UTS2B: variants seen among roughly 807,000 people sequenced by gnomAD.
The protein encoded by UTS2B is urotensin 2B, also known as urotensin-2B.
UTS2B carries 21 observed loss-of-function variants against 19.2 expected under a neutral mutation model. That is an observed-to-expected ratio of 1.09 (90% CI 0.78 to 1.58). UTS2B has a LOEUF of 1.58. Ranked by LOEUF, UTS2B falls within the 40% of genes most tolerant of loss-of-function variation. The pLI is 0.00. For synonymous variants in UTS2B, 57 were observed against 50.2 expected (o/e 1.14, Z -0.58); for missense variants, 138 against 130.3 (o/e 1.06, Z -0.29).
chr3:191,285,256 T>TGCTATCA (rs1455901465), intron 4 of UTS2B, among the ~76,000 whole-genome samples: 1 of 152,230 alleles, frequency 6.6e-6, no homozygotes, highest in Non-Finnish European at 1.5e-5. Context: ...AATGTTAAGT[T>TGCTATCA]GCTATCAGCT....
intron 7 of UTS2B, among the ~76,000 whole-genome samples, chr3:191,275,880 G>A (rs896279988): frequency 6.6e-6 from 1 of 152,134 alleles, no homozygotes; most frequent in Non-Finnish European, 1.5e-5. Context: ...GACTAGGAAA[G>A]GTACATGACT....
At chr3:191,302,834 C>G (rs1011602587) in intron 4 of UTS2B, among the ~76,000 whole-genome samples, 4 of 152,196 alleles carry the variant, frequency 2.6e-5, no homozygotes, top group African/African-American at 9.7e-5. Flanking sequence ...CAAGGCCTCT[C>G]TGACCTTCTC....
chr3:191,330,913 G>A (rs1306025438), upstream of UTS2B, among the ~76,000 whole-genome samples: 2 of 152,088 alleles, frequency 1.3e-5, no homozygotes, highest in Non-Finnish European at 2.9e-5. Context: ...GTTCCGGAAG[G>A]GTGTTAAAGC....
At chr3:191,313,954 C>G (rs12493450) in intron 3 of UTS2B, among the ~76,000 whole-genome samples, 4,624 of 152,202 alleles carry the variant, frequency 0.03, 158 homozygotes, top group East Asian at 0.13. Context: ...TGGTCTTAGA[C>G]TCCTGACTTT....
chr3:191,335,428 G>C (rs1166645498), upstream of UTS2B, among the ~76,000 whole-genome samples: 1 of 152,140 alleles, frequency 6.6e-6, no homozygotes, highest in African/African-American at 2.4e-5. Context: ...CTAGATCTTA[G>C]ATAAGACCTA....
chr3:191,340,754 T>C, the UTS2B span, among the ~76,000 whole-genome samples: 1 of 152,188 alleles, frequency 6.6e-6, no homozygotes, highest in Non-Finnish European at 1.5e-5. Context: ...CAGGCGGACA[T>C]ATGAGGTTAG....
chr3:191,268,397 TGCATCCAGA>T lies in UTS2B; in HGVS notation c.*10_*18del. ...TTTTCCTGATATTCTTATCTTTTTT[TGCATCCAGA>T]GAAAAAGCTTTAAACACAGTATTTC... On this transcript the variant is annotated 3_prime_UTR_variant, in exon 9 of 9. Coordinates refer to ENST00000340524, the MANE Select transcript of UTS2B (RefSeq NM_198152.5). 6.4e-7 allele frequency: 1 copy of T among 1,554,738 alleles called. No homozygotes were observed. The highest frequency in any genetic ancestry group is 8.8e-7 in the Non-Finnish European group (1 of 1,136,486).
At position 191,267,581 on chromosome 3, in the gene UTS2B, G is replaced by A. The variant is rs984113020; in HGVS notation, c.*835C>T. The A allele has an allele frequency of 6.6e-6, 1 of 152,138 alleles. No homozygotes were observed. Among genetic ancestry groups the A allele is most frequent in the Non-Finnish European group, 1.5e-5 (1 of 68,018 alleles). 9.4% of individuals were successfully genotyped at this position (152,138 alleles called of 1,614,324 possible). A position where few individuals can be genotyped will look rare whatever the true frequency, so the allele number is the denominator to read the frequency against. ...GATAGTGAAAGCTGGGTCCAGGGGGGTCACCACCTTCTGGTCCCATGGTGC... is the reference window on the plus strand; with the variant it reads ...GATAGTGAAAGCTGGGTCCAGGGGGATCACCACCTTCTGGTCCCATGGTGC... On this transcript the variant is annotated 3_prime_UTR_variant, in exon 9 of 9. Transcript: ENST00000340524.
intron 4 of UTS2B, among the ~76,000 whole-genome samples, chr3:191,301,921 T>C (rs1717014380): frequency 6.6e-6 from 1 of 152,190 alleles, no homozygotes. Flanking sequence ...ATGGAGTTTT[T>C]ATCCTGCTTG....
intron 4 of UTS2B, among the ~76,000 whole-genome samples, chr3:191,290,545 A>G (rs1180474492): frequency 2.0e-5 from 3 of 152,232 alleles, no homozygotes; most frequent in Non-Finnish European, 4.4e-5. Flanking sequence ...CTACATGCTT[A>G]ACCCACATGA....
chr3:191,343,528 T>A, the UTS2B span, among the ~76,000 whole-genome samples: 1 of 152,246 alleles, frequency 6.6e-6, no homozygotes, highest in Non-Finnish European at 1.5e-5. Context: ...AACTGAACAA[T>A]TTAAAAACAG....
At chr3:191,291,009 C>T (rs1050676737) in intron 4 of UTS2B, among the ~76,000 whole-genome samples, 1 of 151,966 alleles carries the variant, frequency 6.6e-6, no homozygotes, top group African/African-American at 2.4e-5. Flanking sequence ...AAAAAAATAG[C>T]GGAAGGAAGG....
At chr3:191,308,002 A>C (rs1193386330) in intron 3 of UTS2B, among the ~76,000 whole-genome samples, 14 of 151,962 alleles carry the variant, frequency 9.2e-5, no homozygotes, top group African/African-American at 2.4e-5. Context: ...TGTCCGGCTA[A>C]CTTTTGTATT....
chr3:191,336,078 G>T, the UTS2B span, among the ~76,000 whole-genome samples: 1 of 149,654 alleles, frequency 6.7e-6, no homozygotes, highest in Non-Finnish European at 1.5e-5. Flanking sequence ...GAACATATGA[G>T]TTTTCAGTTT....
chr3:191,336,104 A>G, the UTS2B span, among the ~76,000 whole-genome samples: 1 of 151,856 alleles, frequency 6.6e-6, no homozygotes, highest in Admixed American at 6.5e-5. Context: ...GGTGACAGTA[A>G]AGTCACTCTA....
chr3:191,309,785 G>A (rs1371070493), intron 3 of UTS2B, among the ~76,000 whole-genome samples: 2 of 152,096 alleles, frequency 1.3e-5, no homozygotes, highest in Non-Finnish European at 2.9e-5. Flanking sequence ...CTAGCTGTAT[G>A]AAATGCCTCG....
intron 8 of UTS2B, chr3:191,273,692 G>A: frequency 2.8e-6 from 1 of 360,738 alleles, no homozygotes; most frequent in South Asian, 2.1e-5. Context: ...ACTGATTCAG[G>A]AAAGGTCCAA....
chr3:191,295,070 T>C (rs1024270872), intron 4 of UTS2B, among the ~76,000 whole-genome samples: 2 of 151,878 alleles, frequency 1.3e-5, no homozygotes, highest in South Asian at 4.1e-4. Context: ...TTGTCTTCCA[T>C]CTTAAAACAA....
chr3:191,289,101 C>G (rs937481535), intron 4 of UTS2B, among the ~76,000 whole-genome samples: 1 of 152,066 alleles, frequency 6.6e-6, no homozygotes, highest in Non-Finnish European at 1.5e-5. Context: ...AGCATTCCCA[C>G]TACTGTTTAT....
Sources: allele counts gnomAD v4.1 joint callset (sites outside exome capture counted in the v4.1 genomes callset), GRCh38; gene constraint gnomAD v4.1.1; transcripts MANE v1.5; gene names NCBI Gene and HGNC (gene_info 2026-07-23, HGNC 2026-07-21).